FXR1: variants seen among roughly 807,000 people sequenced by gnomAD.
The protein encoded by FXR1 is FMR1 autosomal homolog 1, also known as RNA-binding protein FXR1.
Under a neutral mutation model 84.0 loss-of-function variants are expected in FXR1, and 15 were observed. The ratio of observed to expected loss-of-function variants is 0.18; its 90% CI spans 0.12 to 0.27. The LOEUF (loss-of-function observed/expected upper bound fraction) is 0.27, where lower values mean the gene tolerates loss of function less well. Ranked by LOEUF, FXR1 falls within the 10% of genes least tolerant of loss-of-function variation. FXR1 has a pLI of 1.00. For missense variants in FXR1, 480 were observed against 774.4 expected (o/e 0.62, Z 4.51); for synonymous variants, 245 against 250.7 (o/e 0.98, Z 0.21).
At position 180,981,458 on chromosome 3, in the gene FXR1, G is replaced by A. The variant is rs930699633; in HGVS notation, c.*5166G>A. On this transcript the variant is annotated 3_prime_UTR_variant, in exon 17 of 17. Transcript: ENST00000357559. Reference sequence around the variant, plus strand: ...AAGGTGGAGAAAGAGTTAACTTCCAGGACAACCCATTATAGCTCACTTCTT... The same window carrying A: ...AAGGTGGAGAAAGAGTTAACTTCCAAGACAACCCATTATAGCTCACTTCTT... 2.0e-5 allele frequency: 3 copies of A among 151,980 alleles called. No individual in the cohort carries two copies. Among genetic ancestry groups the A allele is most frequent in the Middle Eastern group, 3.2e-3 (1 of 316 alleles). 9.4% of individuals were successfully genotyped at this position (151,980 alleles called of 1,614,324 possible). A position where few individuals can be genotyped will look rare whatever the true frequency, so the allele number is the denominator to read the frequency against.
chr3:180,974,957 G>A (rs1048852456), intron 15 of FXR1, among the ~76,000 whole-genome samples: 3 of 92,102 alleles, frequency 3.3e-5, no homozygotes, highest in Non-Finnish European at 6.1e-5. Flanking sequence ...CCGACTCCCC[G>A]ATAATTGCAA....
chr3:180,961,665 A>G (rs1560014438), intron 11 of FXR1, 111 bp downstream of exon 11: 1 of 545,648 alleles, frequency 1.8e-6, no homozygotes, highest in South Asian at 3.2e-5. Flanking sequence ...TTTATATTTG[A>G]AGTAAACTTC....
intron 1 of FXR1, among the ~76,000 whole-genome samples, chr3:180,932,681 C>CA (rs1339477621): frequency 6.6e-6 from 1 of 152,088 alleles, no homozygotes; most frequent in Non-Finnish European, 1.5e-5. Context: ...AGTGTACTCA[C>CA]TATAGCCCAA....
intron 14 of FXR1, among the ~76,000 whole-genome samples, chr3:180,968,592 A>G (rs1713137789): frequency 6.6e-6 from 1 of 152,132 alleles, no homozygotes; most frequent in Admixed American, 6.5e-5. Context: ...TGTTTGCCAG[A>G]CAGACCCAGA....
chr3:180,963,550 T>A (rs978645477), intron 13 of FXR1, among the ~76,000 whole-genome samples: 8 of 152,210 alleles, frequency 5.3e-5, no homozygotes, highest in Non-Finnish European at 1.2e-4. Context: ...TACTAGCTTT[T>A]AAAAAATATT....
chr3:180,955,980 A>G (rs572789937), intron 9 of FXR1, among the ~76,000 whole-genome samples: 10 of 152,336 alleles, frequency 6.6e-5, no homozygotes, highest in African/African-American at 2.4e-4. Context: ...GAGTAGTACA[A>G]GAATTTCTAT....
At chr3:180,950,853 CTG>C (rs1722163152) in intron 7 of FXR1, among the ~76,000 whole-genome samples, 1 of 152,020 alleles carries the variant, frequency 6.6e-6, no homozygotes, top group African/African-American at 2.4e-5. Flanking sequence ...ATTAATTGGT[CTG>C]TGGATTTGGG....
chr3:180,931,404 A>G (rs1279507434), intron 1 of FXR1, among the ~76,000 whole-genome samples: 1 of 151,988 alleles, frequency 6.6e-6, no homozygotes, highest in Non-Finnish European at 1.5e-5. Context: ...TTTTTAGAAG[A>G]GATGGAGTTT....
At chr3:180,972,418 T>C (rs1713693571) in intron 15 of FXR1, among the ~76,000 whole-genome samples, 1 of 152,206 alleles carries the variant, frequency 6.6e-6, no homozygotes, top group Non-Finnish European at 1.5e-5. Flanking sequence ...ATCGTGCCAC[T>C]GCACGCTAGC....
intron 1 of FXR1, among the ~76,000 whole-genome samples, chr3:180,926,153 T>C (rs1719149971): frequency 6.6e-6 from 1 of 152,128 alleles, no homozygotes; most frequent in Non-Finnish European, 1.5e-5. Flanking sequence ...CTGACTGTTG[T>C]GCCAAATCTA....
chr3:180,926,508 T>TATATATATATATA (rs1560164955), intron 1 of FXR1, among the ~76,000 whole-genome samples: 1 of 116,764 alleles, frequency 8.6e-6, no homozygotes, highest in Non-Finnish European at 2.0e-5. Flanking sequence ...ATATATATAT[T>TATATATATATATA]TTTTTTTCTG....
intron 13 of FXR1, among the ~76,000 whole-genome samples, chr3:180,966,103 T>C (rs1576994851): frequency 6.6e-6 from 1 of 152,186 alleles, no homozygotes; most frequent in Non-Finnish European, 1.5e-5. Flanking sequence ...TTTTTCACTA[T>C]TCAAGGAAAG....
chr3:180,934,109 C>T (rs916141525), intron 2 of FXR1, among the ~76,000 whole-genome samples: 1 of 152,138 alleles, frequency 6.6e-6, no homozygotes, highest in Non-Finnish European at 1.5e-5. Context: ...AGCAAAACTC[C>T]ATCTCCAAGA....
At chr3:180,913,936 A>G (rs1717562121) in intron 1 of FXR1, among the ~76,000 whole-genome samples, 3 of 152,140 alleles carry the variant, frequency 2.0e-5, no homozygotes, top group African/African-American at 4.8e-5. Flanking sequence ...TTATTTGGCC[A>G]CGATTTTCTA....
chr3:180,931,210 T>C (rs1415085776), intron 1 of FXR1, among the ~76,000 whole-genome samples: 2 of 152,016 alleles, frequency 1.3e-5, no homozygotes, highest in Non-Finnish European at 2.9e-5. Flanking sequence ...GGAGCTACTA[T>C]AGCAGTCTTT....
chr3:180,975,973 G>C, intron 16 of FXR1, 149 bp from the exon 17 acceptor site: 1 of 592,024 alleles, frequency 1.7e-6, no homozygotes, highest in Non-Finnish European at 3.0e-6. Context: ...TATTTGTTTT[G>C]AATTTTAAAG....
Position 180,970,065 on chromosome 3 carries a change from GTTTA to G in FXR1, c.1403-89_1403-86del, listed in dbSNP as rs1341208516. ...TGCATTTTTATTGGGGGAGACTGAA[GTTTA>G]TTTGTCATTGATATAGTTCAATATA... On this transcript the variant is annotated intron_variant, in intron 14 of 16. Coordinates refer to ENST00000357559, the MANE Select transcript of FXR1 (RefSeq NM_005087.4). 29 of 604,914 alleles carry G rather than the reference GTTTA, an allele frequency of 4.8e-5. No homozygotes were observed. In the South Asian group the frequency reaches 6.2e-4, roughly 13 times the overall value. 37.5% of individuals were successfully genotyped at this position (604,914 alleles called of 1,614,324 possible). A position where few individuals can be genotyped will look rare whatever the true frequency, so the allele number is the denominator to read the frequency against.
intron 1 of FXR1, among the ~76,000 whole-genome samples, chr3:180,925,377 A>AGGG (rs1719052208): frequency 1.3e-5 from 2 of 150,808 alleles, no homozygotes; most frequent in Non-Finnish European, 3.0e-5. Flanking sequence ...AAAAAAAAGT[A>AGGG]CATTCCTCTG....
intron 13 of FXR1, among the ~76,000 whole-genome samples, chr3:180,963,771 T>G (rs1182181160): frequency 6.6e-6 from 1 of 152,200 alleles, no homozygotes. Flanking sequence ...TCAACAATTC[T>G]CTAATCCTAA....
Sources: allele counts gnomAD v4.1 joint callset (sites outside exome capture counted in the v4.1 genomes callset), GRCh38; gene constraint gnomAD v4.1.1; transcripts MANE v1.5; gene names NCBI Gene and HGNC (gene_info 2026-07-23, HGNC 2026-07-21).